The following TEX10 variants were observed in gnomAD, a reference collection of about 807,000 sequenced individuals.
TEX10 encodes the protein testis-expressed protein 10.
Under a neutral mutation model 104.4 loss-of-function variants are expected in TEX10, and 24 were observed. The ratio of observed to expected loss-of-function variants is 0.23; its 90% confidence interval spans 0.17 to 0.32. The LOEUF is 0.32. Ranked by LOEUF, TEX10 falls within the 10% of genes least tolerant of loss-of-function variation. TEX10 has a pLI of 1.00. For missense variants in TEX10, 921 were observed against 1,083.9 expected, an observed-to-expected ratio of 0.85 and a Z score of 2.11; for synonymous variants, 396 against 393.4, an observed-to-expected ratio of 1.01 and a Z score of -0.08.
At position 100,352,894 on chromosome 9, in the gene TEX10, A is replaced by AGCCTCG; in HGVS notation, c.-138_-133dup. 1 of 992,350 alleles carries AGCCTCG rather than the reference A, an allele frequency of 1.0e-6. No homozygotes were observed. The highest frequency in any genetic ancestry group is 4.6e-5 in the South Asian group (1 of 21,846). 61.5% of individuals were successfully genotyped at this position (992,350 alleles called of 1,614,324 possible). On this transcript the variant is annotated 5_prime_UTR_variant, in exon 1 of 15. Coordinates refer to ENST00000374902, the MANE Select transcript of TEX10 (RefSeq NM_017746.4). ...TAGCTCCCGGAGCGTGTTTTCAAAT[A>AGCCTCG]GCCTCGTCCTCACGCGGCCGCGTCT... is the stretch of plus-strand genomic sequence containing the variant.
At chr9:100,346,380 AAATCTTAAATAT>A in intron 3 of TEX10, 65 bp from the exon 4 acceptor site, 1 of 1,495,026 alleles carries the variant, frequency 6.7e-7, no homozygotes, top group East Asian at 2.4e-5. Flanking sequence ...TTGCTAATTT[AAATCTTAAATAT>A]AAAGTACTAG....
intron 9 of TEX10, among the ~76,000 whole-genome samples, chr9:100,325,200 C>A (rs1171130337): frequency 1.3e-5 from 2 of 152,122 alleles, no homozygotes; most frequent in Non-Finnish European, 2.9e-5. Flanking sequence ...GGGATCTATA[C>A]AAGAAAAGTT....
At chr9:100,311,544 C>T (rs911773474) in intron 11 of TEX10, among the ~76,000 whole-genome samples, 3 of 152,110 alleles carry the variant, frequency 2.0e-5, no homozygotes, top group Non-Finnish European at 4.4e-5. Flanking sequence ...AAAGGGCTAA[C>T]AAAAGCTTTT....
Position 100,347,471 on chromosome 9 carries a change from GCTAA to G in TEX10, c.181-69_181-66del, listed in dbSNP as rs535298653. The G allele has an allele frequency of 2.7e-4, 345 of 1,289,170 alleles. 3 individuals carry two copies. The African/African-American group carries it at 4.1e-3, about 15-fold the overall frequency. The allele number at this position is 1,289,170 out of a possible 1,614,324, so 79.9% of individuals were successfully genotyped here. A position where few individuals can be genotyped will look rare whatever the true frequency, so the allele number is the denominator to read the frequency against. ...ACATGTATCAATTTCACGTAAACAT[GCTAA>G]CTAACACTACACTAGTAAACTGACA... On this transcript the variant is annotated intron_variant, in intron 2 of 14. Transcript: ENST00000374902.
At chr9:100,350,550 C>T (rs1835414323) in intron 1 of TEX10, among the ~76,000 whole-genome samples, 1 of 152,182 alleles carries the variant, frequency 6.6e-6, no homozygotes, top group South Asian at 2.1e-4. Flanking sequence ...GCCTTTTCCA[C>T]ACCTGAGAAC....
chr9:100,348,915 AAATAAAT>A (rs1835370344), intron 2 of TEX10, among the ~76,000 whole-genome samples: 1 of 151,898 alleles, frequency 6.6e-6, no homozygotes, highest in African/African-American at 2.4e-5. Flanking sequence ...GTCTCAAAAT[AAATAAAT>A]AAATAAATAA....
chr9:100,347,104 TAA>T lies in TEX10; in HGVS notation c.481_482del (p.Leu161LysfsTer18). 1 of 1,614,206 alleles carries T rather than the reference TAA, an allele frequency of 6.2e-7. No individual in the cohort carries two copies. On this transcript the variant is annotated frameshift_variant, in exon 3 of 15. Transcript: ENST00000374902. LOFTEE classifies it high-confidence loss of function. ...GTTCCAGCAGAATGTCCAAAACTTT[TAA>T]AGAGTCCTCCTGAATTCCTTCAGTA... ...HITEGIQEDS[L>X]KVLDILLEQY...
chr9:100,302,936 C>CT (rs146141732), intron 14 of TEX10, among the ~76,000 whole-genome samples: 17 of 149,868 alleles, frequency 1.1e-4, no homozygotes, highest in African/African-American at 3.7e-4. Context: ...CCGCCCCCCC[C>CT]CCAAACTAAA....
chr9:100,342,956 G>A (rs1209888450), intron 4 of TEX10, among the ~76,000 whole-genome samples: 1 of 151,834 alleles, frequency 6.6e-6, no homozygotes, highest in Non-Finnish European at 1.5e-5. Flanking sequence ...GACCATCCTG[G>A]CTGACACGGT....
Position 100,346,058 on chromosome 9 carries a change from C to T in TEX10, c.1137+14G>A. On this transcript the variant is annotated intron_variant, in intron 4 of 14. Transcript: ENST00000374902. The stretch of plus-strand genomic sequence containing the variant: ...CTATTAATACTAAGAAAATAAAGAA[C>T]CATTAGTTCTCACCAATTTATGGGT... The T allele has an allele frequency of 6.2e-7, 1 of 1,602,602 alleles. No homozygotes were observed. Among genetic ancestry groups the T allele is most frequent in the Non-Finnish European group, 8.5e-7 (1 of 1,174,616 alleles).
chr9:100,318,212 C>G (rs933233505), intron 11 of TEX10, among the ~76,000 whole-genome samples: 1 of 152,116 alleles, frequency 6.6e-6, no homozygotes, highest in African/African-American at 2.4e-5. Flanking sequence ...TGGAATTGAC[C>G]TAAATGTTCA....
At position 100,302,259 on chromosome 9, in the gene TEX10, G is replaced by A. The variant is rs931651556; in HGVS notation, c.2722C>T (p.His908Tyr). 3 of 1,613,784 alleles carry A rather than the reference G, an allele frequency of 1.9e-6. No individual in the cohort carries two copies. Among genetic ancestry groups the A allele is most frequent in the African/African-American group, 1.3e-5 (1 of 75,012 alleles). The change falls in exon 15 of 15, where the codon CAT becomes TAT. Residue 908 changes from histidine to tyrosine, a missense_variant. Physicochemically the swap from His to Tyr is moderately conservative, Grantham distance 83 (BLOSUM62 2). Coordinates refer to ENST00000374902, the MANE Select transcript of TEX10 (RefSeq NM_017746.4). ...SVQEQWLTDL[H>Y]YCFNVYITGH... ...GTGATATACACGTTGAAGCAGTAAT[G>A]TAAGTCTGTGAGCCACTGTTCCTGA...
At position 100,347,425 on chromosome 9, in the gene TEX10, AT is replaced by A; in HGVS notation, c.181-20del. 1 of 1,528,646 alleles carries A rather than the reference AT, an allele frequency of 6.5e-7. No individual in the cohort carries two copies. Among genetic ancestry groups the A allele is most frequent in the Non-Finnish European group, 8.8e-7 (1 of 1,138,650 alleles). The allele number at this position is 1,528,646 out of a possible 1,614,324, so 94.7% of individuals were successfully genotyped here. A position where few individuals can be genotyped will look rare whatever the true frequency, so the allele number is the denominator to read the frequency against. On this transcript the variant is annotated intron_variant, in intron 2 of 14. Coordinates refer to ENST00000374902, the MANE Select transcript of TEX10 (RefSeq NM_017746.4). ...GCAAATCCTATAAATAAAAATACAA[AT>A]TTTAGATGTATACTTATATACATGT...
intron 4 of TEX10, among the ~76,000 whole-genome samples, chr9:100,341,212 T>C (rs1457236507): frequency 2.0e-5 from 3 of 152,190 alleles, no homozygotes; most frequent in African/African-American, 7.2e-5. Context: ...GTGATCCACC[T>C]ACCTTGGCCT....
At chr9:100,316,960 G>A (rs1163763105) in intron 11 of TEX10, among the ~76,000 whole-genome samples, 4 of 118,718 alleles carry the variant, frequency 3.4e-5, no homozygotes, top group Non-Finnish European at 6.9e-5. Flanking sequence ...GCTCTACAAA[G>A]AGAACTAGAA....
In TEX10 at chr9:100,302,304, T is replaced by C. The variant is rs1265950690; in HGVS notation, c.2677A>G (p.Thr893Ala). The stretch of plus-strand genomic sequence containing the variant: ...TCCTGAACACTTCCACTCTTCAATG[T>C]CTGGAGAGAAAAACAAGAGTAATCT... Reference protein sequence around the residue: ...LVQQIIKNITTLKSGSVQEQW... With the variant: ...LVQQIIKNITALKSGSVQEQW... The change falls in exon 15 of 15, where the codon ACA (threonine) becomes GCA (alanine). Residue 893 changes from threonine (T) to alanine (A), a missense_variant and splice_region_variant. Transcript: ENST00000374902. 10 of 1,606,596 alleles carry C rather than the reference T, an allele frequency of 6.2e-6. No homozygotes were observed. Among genetic ancestry groups the C allele is most frequent in the Non-Finnish European group, 8.5e-6 (10 of 1,174,578 alleles).
intron 11 of TEX10, among the ~76,000 whole-genome samples, chr9:100,311,674 C>T (rs894649559): frequency 6.6e-6 from 1 of 152,014 alleles, no homozygotes; most frequent in African/African-American, 2.4e-5. Context: ...GAAATCTGCA[C>T]AAAAAGTAGA....
intron 5 of TEX10, among the ~76,000 whole-genome samples, chr9:100,331,450 A>C (rs1834860447): frequency 6.6e-6 from 1 of 152,338 alleles, no homozygotes; most frequent in South Asian, 2.1e-4. Flanking sequence ...AAAACAGAAA[A>C]GAAACATGTA....
intron 11 of TEX10, 56 bp from the exon 12 acceptor site, chr9:100,310,435 A>G (rs1030384389): frequency 2.0e-5 from 29 of 1,466,086 alleles, no homozygotes; most frequent in Middle Eastern, 1.7e-4. Flanking sequence ...ATCAGAAACA[A>G]GTTCAACAGA....
Sources: allele counts gnomAD v4.1 joint callset (sites outside exome capture counted in the v4.1 genomes callset), GRCh38; gene constraint gnomAD v4.1.1; transcripts MANE v1.5; gene names NCBI Gene and HGNC (gene_info 2026-07-23, HGNC 2026-07-21).